The following PIN1 variants were observed in gnomAD, a reference collection of about 807,000 sequenced individuals.
PIN1 encodes the protein peptidyl-prolyl cis-trans isomerase NIMA-interacting 1.
In PIN1, 8 loss-of-function variants were observed where a neutral mutation model predicts 19.9. That is an observed-to-expected ratio of 0.40 (90% CI 0.24 to 0.72). PIN1 has a LOEUF of 0.72. PIN1 is among the 30% of genes least tolerant of loss of function. The pLI is 0.37. For synonymous variants in PIN1, 86 were observed against 90.8 expected (o/e 0.95, Z 0.30); for missense variants, 185 against 226.5 (o/e 0.82, Z 1.18).
intron 2 of PIN1, among the ~76,000 whole-genome samples, chr19:9,841,590 A>T (rs1217534685): frequency 6.6e-6 from 1 of 152,150 alleles, no homozygotes; most frequent in Non-Finnish European, 1.5e-5. Flanking sequence ...AGCAGGACAT[A>T]TGTGGCCATG....
Position 9,849,618 on chromosome 19 carries a change from C to G in PIN1, c.*419C>G. On this transcript the variant is annotated 3_prime_UTR_variant, in exon 4 of 4. Transcript: ENST00000247970. ...TCGCAAAGGTGAACACTCATGCGGCCCAGCCATGGGCCCTCTGAGCAACTG... is the reference window on the plus strand; with the variant it reads ...TCGCAAAGGTGAACACTCATGCGGCGCAGCCATGGGCCCTCTGAGCAACTG... The G allele has an allele frequency of 1.9e-6, 1 of 529,838 alleles. No individual in the cohort carries two copies. The highest frequency in any genetic ancestry group is 3.7e-6 in the Non-Finnish European group (1 of 267,890). 32.8% of individuals were successfully genotyped at this position (529,838 alleles called of 1,614,324 possible).
Position 9,835,324 on chromosome 19 carries a change from G to C in PIN1, c.-21G>C, listed in dbSNP as rs1255684553. 2 of 1,523,988 alleles carry C rather than the reference G, an allele frequency of 1.3e-6. No homozygotes were observed. The highest frequency in any genetic ancestry group is 1.2e-5 in the South Asian group (1 of 82,700). 94.4% of individuals were successfully genotyped at this position (1,523,988 alleles called of 1,614,324 possible). A position where few individuals can be genotyped will look rare whatever the true frequency, so the allele number is the denominator to read the frequency against. Reference sequence around the variant, plus strand: ...CAGGCGGCGCAGCTGAGGCGGAGCAGGCGCTGCGGCAGGAGGGAAGATGGC... The same window carrying C: ...CAGGCGGCGCAGCTGAGGCGGAGCACGCGCTGCGGCAGGAGGGAAGATGGC... On this transcript the variant is annotated 5_prime_UTR_variant, in exon 1 of 4. Transcript: ENST00000247970.
intron 3 of PIN1, among the ~76,000 whole-genome samples, chr19:9,848,880 C>T (rs4804461): frequency 0.21 from 31,475 of 152,112 alleles, 3,474 homozygotes; most frequent in Non-Finnish European, 0.25. Context: ...ATGCTGTCCT[C>T]GGGCTTCCCA....
At chr19:9,839,883 T>G (rs1357884134) in intron 2 of PIN1, among the ~76,000 whole-genome samples, 1 of 152,064 alleles carries the variant, frequency 6.6e-6, no homozygotes, top group African/African-American at 2.4e-5. Flanking sequence ...GCCTGTAGTG[T>G]CAGCTACTTA....
At chr19:9,843,430 C>T (rs1170070929) in intron 2 of PIN1, among the ~76,000 whole-genome samples, 4 of 152,284 alleles carry the variant, frequency 2.6e-5, no homozygotes, top group African/African-American at 9.6e-5. Flanking sequence ...TCTGGCAAGG[C>T]AGAGGAGACA....
Position 9,848,116 on chromosome 19 carries a change from G to T in PIN1, c.358G>T (p.Gly120Ter). ...FSDCSSAKAR[G>*]DLGAFSRGQM... ...CGACTGCAGCTCAGCCAAGGCCAGGGGAGACCTGGGTGCCTTCAGCAGAGG... is the reference window on the plus strand; with the variant it reads ...CGACTGCAGCTCAGCCAAGGCCAGGTGAGACCTGGGTGCCTTCAGCAGAGG... Residue 120 changes from glycine to a stop codon, truncating the protein, a stop_gained, in exon 3 of 4, where the codon GGA becomes TGA. Coordinates refer to ENST00000247970, the MANE Select transcript of PIN1 (RefSeq NM_006221.4). LOFTEE classifies it high-confidence loss of function. The T allele has an allele frequency of 6.2e-7, 1 of 1,610,768 alleles. No homozygotes were observed. Among genetic ancestry groups the T allele is most frequent in the Non-Finnish European group, 8.5e-7 (1 of 1,177,004 alleles).
intron 1 of PIN1, 41 bp downstream of exon 1, chr19:9,835,443 C>T (rs541336235): frequency 7.3e-6 from 10 of 1,379,276 alleles, no homozygotes; most frequent in Non-Finnish European, 8.6e-6. Flanking sequence ...TGCGCGGGCC[C>T]GCGTAAGCAG....
At chr19:9,845,938 G>GGGT (rs2046216012) in intron 2 of PIN1, among the ~76,000 whole-genome samples, 1 of 152,158 alleles carries the variant, frequency 6.6e-6, no homozygotes, top group Non-Finnish European at 1.5e-5. Flanking sequence ...CGAAGTAGGT[G>GGGT]GGTACCTCTG....
intron 1 of PIN1, 157 bp downstream of exon 1, chr19:9,835,559 T>G: frequency 1.8e-6 from 1 of 555,918 alleles, no homozygotes; most frequent in Non-Finnish European, 2.8e-6. Flanking sequence ...CGCCCTGTTG[T>G]GGGGACTGCG....
Position 9,848,020 on chromosome 19 carries a change from A to G in PIN1, c.272-10A>G, listed in dbSNP as rs2046238665. The G allele has an allele frequency of 2.5e-6, 4 of 1,579,532 alleles. No individual in the cohort carries two copies. Among genetic ancestry groups the G allele is most frequent in the Non-Finnish European group, 3.5e-6 (4 of 1,148,988 alleles). On this transcript the variant is annotated splice_polypyrimidine_tract_variant and intron_variant, in intron 2 of 3. Coordinates refer to ENST00000247970, the MANE Select transcript of PIN1 (RefSeq NM_006221.4). ...TGACCTGGCACTCCCATTCCGTTCCATGTCCACAGGCTACATCCAGAAGAT... is the reference window on the plus strand; with the variant it reads ...TGACCTGGCACTCCCATTCCGTTCCGTGTCCACAGGCTACATCCAGAAGAT...
rs559703384 is a variant in PIN1 at position 9,849,528 on chromosome 19, C to T, written c.*329C>T. The T allele has an allele frequency of 1.1e-3, 705 of 635,878 alleles. 10 individuals are homozygous for T. The highest frequency in any genetic ancestry group is 9.4e-3 in the South Asian group (684 of 72,638). 39.4% of individuals were successfully genotyped at this position (635,878 alleles called of 1,614,324 possible). A position where few individuals can be genotyped will look rare whatever the true frequency, so the allele number is the denominator to read the frequency against. ...GGTCAGCAGAGCCGCCCCGTGTCCC[C>T]CCAGGTGCTGGAGGCAGACTCGAGG... is the stretch of plus-strand genomic sequence containing the variant. On this transcript the variant is annotated 3_prime_UTR_variant, in exon 4 of 4. Coordinates refer to ENST00000247970, the MANE Select transcript of PIN1 (RefSeq NM_006221.4).
intron 2 of PIN1, among the ~76,000 whole-genome samples, chr19:9,841,269 A>G (rs756171968): frequency 6.6e-6 from 1 of 152,214 alleles, no homozygotes. Context: ...TTGAAGGCTG[A>G]TTGAAGAGCC....
At chr19:9,845,410 A>T (rs972554835) in intron 2 of PIN1, among the ~76,000 whole-genome samples, 1 of 127,798 alleles carries the variant, frequency 7.8e-6, no homozygotes, top group Non-Finnish European at 1.7e-5. Context: ...TGTTTGTTTG[A>T]AATGGAGTTT....
At chr19:9,839,398 A>G (rs1378105865) in intron 2 of PIN1, among the ~76,000 whole-genome samples, 1 of 151,372 alleles carries the variant, frequency 6.6e-6, no homozygotes, top group East Asian at 1.9e-4. Flanking sequence ...CCTGGGCAGC[A>G]AAGTGAGGCA....
At chr19:9,835,784 G>T (rs2046096951) in intron 1 of PIN1, 1 of 247,464 alleles carries the variant, frequency 4.0e-6, no homozygotes. Flanking sequence ...AAGGGCGTAG[G>T]GTGTTGCCCG....
rs1568358507 is a variant in PIN1, at chr19:9,838,463, C to G, written c.86C>G (p.Thr29Ser). ...SGRVYYFNHI[T>S]NASQWERPSG... ...CGAGTGTACTACTTCAACCACATCA[C>G]TAACGCCAGCCAGTGGGAGCGGCCC... is the stretch of plus-strand genomic sequence containing the variant. Residue 29 changes from threonine to serine, a missense_variant, in exon 2 of 4, where the codon ACT becomes AGT. Thr to Ser is a moderately conservative substitution (Grantham distance 58, BLOSUM62 1). Coordinates refer to ENST00000247970, the MANE Select transcript of PIN1 (RefSeq NM_006221.4). The surrounding 1 kb of genome is among the most constrained non-coding windows in gnomAD (Gnocchi z 5.8). 1 of 1,607,848 alleles carries G rather than the reference C, an allele frequency of 6.2e-7. No individual in the cohort carries two copies. The highest frequency in any genetic ancestry group is 8.5e-7 in the Non-Finnish European group (1 of 1,178,290).
At chr19:9,845,244 T>G (rs564081308) in intron 2 of PIN1, among the ~76,000 whole-genome samples, 96 of 122,386 alleles carry the variant, frequency 7.8e-4, no homozygotes, top group African/African-American at 2.5e-3. Flanking sequence ...AAGAAAGCGT[T>G]TTTGTTTGTT....
rs373134928 is a variant in PIN1 at position 9,846,518 on chromosome 19, C to T, written c.272-1512C>T. 2.0e-5 allele frequency among the ~76,000 whole-genome samples: 3 copies of T among 152,124 alleles called. No individual in the cohort carries two copies. The highest frequency in any genetic ancestry group is 6.5e-5 in the Admixed American group (1 of 15,272). On this transcript the variant is annotated intron_variant, in intron 2 of 3. Transcript: ENST00000247970. The surrounding 1 kb of genome is among the most constrained non-coding windows in gnomAD (Gnocchi z 5.9). ...ACCAGGACACTGGTGGCTGCCATGA[C>T]GTGCAGCCAAACAGGGAGCTATGGC...
At chr19:9,835,914 G>C (rs1301665071) in intron 1 of PIN1, 1 of 155,260 alleles carries the variant, frequency 6.4e-6, no homozygotes, top group Non-Finnish European at 1.4e-5. Flanking sequence ...CCCGATTTAA[G>C]GGTTAGCCAC....
Sources: gnomAD v4.1 joint callset for allele counts (sites outside exome capture counted in the v4.1 genomes callset) on GRCh38, gnomAD v4.1.1 for gene constraint, Gnocchi (gnomAD v3.1) non-coding constraint, MANE v1.5 for transcripts, NCBI Gene and HGNC (gene_info 2026-07-23, HGNC 2026-07-21) for gene names.